Variants in SLC35F3 observed in about 807,000 individuals in gnomAD.
SLC35F3 encodes the protein putative thiamine transporter SLC35F3.
SLC35F3 carries 25 observed loss-of-function variants against 49.9 expected under a neutral mutation model. The ratio of observed to expected loss-of-function variants is 0.50; its 90% CI spans 0.37 to 0.70. The LOEUF (loss-of-function observed/expected upper bound fraction) is 0.70. Among genes scored for constraint, SLC35F3 ranks in the 30% least tolerant of loss-of-function variants. The pLI is 0.00. For missense variants in SLC35F3, 525 were observed against 639.8 expected (o/e 0.82, Z 1.94); for synonymous variants, 275 against 265.4 (o/e 1.04, Z -0.35).
intron 2 of SLC35F3, among the ~76,000 whole-genome samples, chr1:234,048,248 C>A (rs527777414): frequency 1.3e-5 from 2 of 152,036 alleles, no homozygotes; most frequent in East Asian, 3.9e-4. Context: ...GAAACCAGAA[C>A]TTAAAAATTT....
chr1:234,164,809 T>C (rs1666288999), intron 2 of SLC35F3, among the ~76,000 whole-genome samples: 1 of 138,292 alleles, frequency 7.2e-6, no homozygotes, highest in Non-Finnish European at 1.5e-5. Flanking sequence ...GATATTTTTC[T>C]GACATTTTGC....
chr1:234,025,521 T>A (rs1663964588), intron 2 of SLC35F3, among the ~76,000 whole-genome samples: 1 of 152,226 alleles, frequency 6.6e-6, no homozygotes, highest in South Asian at 2.1e-4. Context: ...TCTGACTGGT[T>A]TGAGATGGTG....
At chr1:234,303,256 A>T (rs1223573808) in intron 3 of SLC35F3, among the ~76,000 whole-genome samples, 2 of 152,050 alleles carry the variant, frequency 1.3e-5, no homozygotes, top group Admixed American at 6.6e-5. Flanking sequence ...TGTCTCATTC[A>T]TCTTGATTTC....
chr1:234,066,822 T>C (rs1168986469), intron 2 of SLC35F3, among the ~76,000 whole-genome samples: 2 of 131,164 alleles, frequency 1.5e-5, no homozygotes, highest in African/African-American at 6.2e-5. Context: ...TCTCTGTCCC[T>C]CTCTCTCCCA....
At chr1:234,026,255 G>A (rs1663977005) in intron 2 of SLC35F3, among the ~76,000 whole-genome samples, 1 of 152,114 alleles carries the variant, frequency 6.6e-6, no homozygotes, top group Admixed American at 6.5e-5. Context: ...TGTTGTGTTT[G>A]CTTAGAATTG....
In SLC35F3 at chr1:234,249,107, G is replaced by A. The variant is rs184488474; in HGVS notation, c.608+17366G>A. 2.6e-3 allele frequency among the ~76,000 whole-genome samples: 401 copies of A among 152,262 alleles called. 2 individuals carry two copies. The highest frequency in any genetic ancestry group is 4.4e-3 in the Non-Finnish European group (297 of 67,998). ...CTCTGCAGGGATTCGCTAACTAATC[G>A]TAAATGGAAAACACAATATCCTCCT... On this transcript the variant is annotated intron_variant, in intron 3 of 7. Transcript: ENST00000366618.
chr1:234,050,338 T>C (rs560112102), intron 2 of SLC35F3, among the ~76,000 whole-genome samples: 1 of 152,206 alleles, frequency 6.6e-6, no homozygotes, highest in South Asian at 2.1e-4. Flanking sequence ...TTCTAACTGG[T>C]GTGAGATGGT....
chr1:234,316,971 C>T (rs1441840498), intron 5 of SLC35F3, among the ~76,000 whole-genome samples: 2 of 152,200 alleles, frequency 1.3e-5, no homozygotes, highest in African/African-American at 4.8e-5. Flanking sequence ...GTAGCCACAT[C>T]GTTGCAGCAC....
intron 2 of SLC35F3, among the ~76,000 whole-genome samples, chr1:234,077,641 T>A (rs1329757305): frequency 6.6e-6 from 1 of 152,204 alleles, no homozygotes; most frequent in Non-Finnish European, 1.5e-5. Context: ...AGTGTCATGC[T>A]GACTGGGAGG....
intron 2 of SLC35F3, among the ~76,000 whole-genome samples, chr1:234,176,006 C>T (rs1286027660): frequency 6.6e-6 from 1 of 152,248 alleles, no homozygotes. Flanking sequence ...AAAGATTCCA[C>T]CTGCCTCAAA....
chr1:233,967,989 AC>A (rs1437486330), intron 2 of SLC35F3, among the ~76,000 whole-genome samples: 1 of 152,148 alleles, frequency 6.6e-6, no homozygotes. Flanking sequence ...AGTACCACAA[AC>A]TGGATGGCTG....
rs542476814 is a variant in SLC35F3 at position 234,104,850 on chromosome 1, G to A, written c.284-126567G>A. ...TTTGAGATTTAAAACAATCTTTGTG[G>A]CTGGGCACGGTGGCTTATGCCTGTA... is the stretch of plus-strand genomic sequence containing the variant. On this transcript the variant is annotated intron_variant, in intron 2 of 7. Transcript: ENST00000366618. Among the ~76,000 whole-genome samples the A allele has an allele frequency of 8.5e-5, 13 of 152,302 alleles. 1 individual carries two copies. The South Asian group carries it at 2.7e-3, about 32-fold the overall frequency.
rs184954781 is a variant in SLC35F3, at chr1:234,233,285, C to A, written c.608+1544C>A. 9.2e-4 allele frequency among the ~76,000 whole-genome samples: 140 copies of A among 152,290 alleles called. 2 individuals carry two copies. The highest frequency in any genetic ancestry group is 9.1e-3 in the Admixed American group (140 of 15,304). On this transcript the variant is annotated intron_variant, in intron 3 of 7. Transcript: ENST00000366618. ...ATTTAATTTGTAATTAGGCGGTAAC[C>A]CTTCATTAAAACTGATTAGGATGGT...
intron 5 of SLC35F3, among the ~76,000 whole-genome samples, chr1:234,317,324 C>T (rs761398573): frequency 2.4e-4 from 36 of 152,160 alleles, no homozygotes; most frequent in Non-Finnish European, 4.7e-4. Flanking sequence ...TTTATTCCCA[C>T]ACTCAGGTCC....
chr1:234,202,363 CA>C (rs1666911883), intron 2 of SLC35F3, among the ~76,000 whole-genome samples: 1 of 152,130 alleles, frequency 6.6e-6, no homozygotes, highest in African/African-American at 2.4e-5. Flanking sequence ...AGTTGAGAGA[CA>C]AGGGGGAAGT....
intron 2 of SLC35F3, among the ~76,000 whole-genome samples, chr1:234,114,786 T>C (rs1665459504): frequency 6.6e-6 from 1 of 152,200 alleles, no homozygotes; most frequent in Admixed American, 6.5e-5. Context: ...AAGATGGCGC[T>C]AAAGGAGTAT....
At chr1:234,178,792 G>A (rs1666515353) in intron 2 of SLC35F3, among the ~76,000 whole-genome samples, 1 of 151,998 alleles carries the variant, frequency 6.6e-6, no homozygotes. Context: ...ACCACCCAGA[G>A]CTCCTAGTTT....
At chr1:233,934,238 G>C (rs1349977940) in intron 2 of SLC35F3, among the ~76,000 whole-genome samples, 1 of 152,140 alleles carries the variant, frequency 6.6e-6, no homozygotes, top group Non-Finnish European at 1.5e-5. Context: ...CCTTAAGTGA[G>C]GTTTTAGGGG....
At chr1:234,313,124 G>A (rs1032804705) in intron 4 of SLC35F3, among the ~76,000 whole-genome samples, 1 of 152,110 alleles carries the variant, frequency 6.6e-6, no homozygotes, top group African/African-American at 2.4e-5. Flanking sequence ...AAATCTGCCC[G>A]CCTCAGCCTC....
Sources: gnomAD v4.1 joint callset for allele counts (sites outside exome capture counted in the v4.1 genomes callset) on GRCh38, gnomAD v4.1.1 for gene constraint, MANE v1.5 for transcripts, NCBI Gene and HGNC (gene_info 2026-07-23, HGNC 2026-07-21) for gene names.